PCDHA2: variants seen among roughly 807,000 people sequenced by gnomAD.
The protein encoded by PCDHA2 is protocadherin alpha 2.
A neutral mutation model predicts 66.0 loss-of-function variants in PCDHA2; 58 were observed. The ratio of observed to expected loss-of-function variants is 0.88; its 90% CI spans 0.71 to 1.09. The LOEUF (loss-of-function observed/expected upper bound fraction) is 1.09, where lower values mean the gene tolerates loss of function less well. PCDHA2 is among the 50% of genes least tolerant of loss of function. The pLI is 0.00. For synonymous variants in PCDHA2, 634 were observed against 554.0 expected, an observed-to-expected ratio of 1.14 and a Z score of -2.03; for missense variants, 1,267 against 1,242.3, an observed-to-expected ratio of 1.02 and a Z score of -0.30.
intron 1 of PCDHA2, among the ~76,000 whole-genome samples, chr5:140,936,994 TA>T (rs1472246875): frequency 6.6e-6 from 1 of 152,140 alleles, no homozygotes; most frequent in Non-Finnish European, 1.5e-5. Context: ...ACATTGACAA[TA>T]TTGAGACAGA....
At chr5:140,809,189 T>C (rs782091901) in intron 1 of PCDHA2, 1 of 1,614,030 alleles carries the variant, frequency 6.2e-7, no homozygotes. Context: ...TGTGCTGGTG[T>C]CACTTGTGGA....
chr5:140,870,253 G>A (rs782678686), intron 1 of PCDHA2: 2 of 1,614,196 alleles, frequency 1.2e-6, no homozygotes, highest in Non-Finnish European at 1.7e-6. Flanking sequence ...CAACGGACAG[G>A]TGACCTGCTC....
At chr5:140,848,903 A>T in intron 1 of PCDHA2, 1 of 1,607,734 alleles carries the variant, frequency 6.2e-7, no homozygotes, top group Non-Finnish European at 8.5e-7. Context: ...TCCCAGCGAC[A>T]CAAAAGAATC....
At chr5:140,924,894 CAAAAAA>C (rs782133089) in intron 1 of PCDHA2, among the ~76,000 whole-genome samples, 79 of 71,496 alleles carry the variant, frequency 1.1e-3, no homozygotes, top group African/African-American at 2.7e-3. Flanking sequence ...GAACCTGTCT[CAAAAAA>C]AAAAATAAAA....
chr5:140,822,445 A>G, intron 1 of PCDHA2: 1 of 1,613,728 alleles, frequency 6.2e-7, no homozygotes, highest in Non-Finnish European at 8.5e-7. Flanking sequence ...ACTAACAGGT[A>G]CAGTTCAGTT....
chr5:140,799,076 C>T (rs1316375658), intron 1 of PCDHA2, among the ~76,000 whole-genome samples: 1 of 152,120 alleles, frequency 6.6e-6, no homozygotes, highest in Non-Finnish European at 1.5e-5. Context: ...CTCCAGGAGT[C>T]ACAATCTGTT....
chr5:140,825,415 A>T (rs1768562356), intron 1 of PCDHA2: 1 of 146,776 alleles, frequency 6.8e-6, no homozygotes. Flanking sequence ...TATTTTATAT[A>T]ATATATATAA....
At chr5:140,946,540 T>G (rs1182532418) in intron 1 of PCDHA2, among the ~76,000 whole-genome samples, 1 of 150,344 alleles carries the variant, frequency 6.7e-6, no homozygotes, top group African/African-American at 2.5e-5. Context: ...CATTGCAGCA[T>G]TATTCATGAT....
At chr5:140,883,907 A>G (rs2059882679) in intron 1 of PCDHA2, 1 of 1,613,358 alleles carries the variant, frequency 6.2e-7, no homozygotes, top group African/African-American at 1.3e-5. Context: ...GCCTCTGGGC[A>G]GCAACGTGAC....
At chr5:140,828,600 A>G (rs1769845446) in intron 1 of PCDHA2, 3 of 1,614,242 alleles carry the variant, frequency 1.9e-6, no homozygotes, top group East Asian at 2.2e-5. Context: ...ATCTTAACCT[A>G]TAAACTCAGT....
chr5:140,862,679 TG>T, intron 1 of PCDHA2: 1 of 551,310 alleles, frequency 1.8e-6, no homozygotes, highest in Non-Finnish European at 3.6e-6. Flanking sequence ...GAGAACGTGC[TG>T]GTGTCCTACT....
chr5:140,953,963 G>A lies in PCDHA2; in HGVS notation c.2389-24986G>A, dbSNP rs193094168. ...CATTGCTCCCCCAACAGGCCCCAGT[G>A]TGTGTTGTTCCCCTTCATATTTTCA... On this transcript the variant is annotated intron_variant, in intron 1 of 3. Transcript: ENST00000526136. Among the ~76,000 whole-genome samples the A allele has an allele frequency of 2.1e-3, 322 of 152,136 alleles. 11 individuals carry two copies. Among genetic ancestry groups the A allele is most frequent in the Admixed American group, 0.021 (314 of 15,274 alleles).
chr5:140,957,763 T>C (rs1375605810), intron 1 of PCDHA2, among the ~76,000 whole-genome samples: 1 of 152,100 alleles, frequency 6.6e-6, no homozygotes, highest in Non-Finnish European at 1.5e-5. Context: ...TCATTATATA[T>C]GTTAAGTAAA....
In PCDHA2 at chr5:140,842,604, G is replaced by A. The variant is rs1254196927; in HGVS notation, c.2388+45252G>A. 5 of 1,550,084 alleles carry A rather than the reference G, an allele frequency of 3.2e-6. No homozygotes were observed. The highest frequency in any genetic ancestry group is 1.1e-5 in the South Asian group (1 of 89,394). The stretch of plus-strand genomic sequence containing the variant: ...GCCTATGAGTTGGTGGTAACCGCGC[G>A]GGACGGGGGCTCGCCTTCGCTGTGG... On this transcript the variant is annotated intron_variant, in intron 1 of 3. Coordinates refer to ENST00000526136, the MANE Select transcript of PCDHA2 (RefSeq NM_018905.3).
chr5:141,005,821 C>T (rs557161446), intron 3 of PCDHA2, among the ~76,000 whole-genome samples: 1 of 150,884 alleles, frequency 6.6e-6, no homozygotes, highest in African/African-American at 2.4e-5. Context: ...GGTATGGTGG[C>T]CTGTAGTCCC....
intron 3 of PCDHA2, among the ~76,000 whole-genome samples, chr5:140,992,344 T>G (rs2097506257): frequency 6.6e-6 from 1 of 152,124 alleles, no homozygotes; most frequent in Non-Finnish European, 1.5e-5. Context: ...GATGGAAATG[T>G]GGAGAGAGGA....
At position 140,927,789 on chromosome 5, in the gene PCDHA2, A is replaced by G. The variant is rs781883935; in HGVS notation, c.2389-51160A>G. On this transcript the variant is annotated intron_variant, in intron 1 of 3. Transcript: ENST00000526136. The stretch of plus-strand genomic sequence containing the variant: ...GGGAGGTGCAAGTAGCTGCTTCACT[A>G]GGTCCGCCTGAAACGCTCTTGGAGG... 4 of 1,614,164 alleles carry G rather than the reference A, an allele frequency of 2.5e-6. No individual in the cohort carries two copies. The African/African-American group carries it at 4.0e-5, about 16-fold the overall frequency.
intron 1 of PCDHA2, chr5:140,802,518 G>A (rs577444100): frequency 5.0e-6 from 8 of 1,614,136 alleles, no homozygotes; most frequent in South Asian, 3.3e-5. Flanking sequence ...CACGGCCAGC[G>A]TGTCCGTGGA....
intron 3 of PCDHA2, among the ~76,000 whole-genome samples, chr5:140,987,146 G>A (rs942853645): frequency 1.3e-5 from 2 of 151,812 alleles, no homozygotes; most frequent in Non-Finnish European, 2.9e-5. Flanking sequence ...CTCGGGAGGT[G>A]GAGGTTGCAG....
Sources: gnomAD v4.1 joint callset for allele counts (sites outside exome capture counted in the v4.1 genomes callset) on GRCh38, gnomAD v4.1.1 for gene constraint, MANE v1.5 for transcripts, NCBI Gene and HGNC (gene_info 2026-07-23, HGNC 2026-07-21) for gene names.